SPAG17: variants seen among roughly 807,000 people sequenced by gnomAD.
The protein encoded by SPAG17 is sperm-associated antigen 17.
SPAG17 carries 169 observed loss-of-function variants against 273.6 expected under a neutral mutation model. The ratio of observed to expected loss-of-function variants is 0.62; its 90% confidence interval spans 0.55 to 0.70. The LOEUF (loss-of-function observed/expected upper bound fraction) is 0.70, where lower values mean the gene tolerates loss of function less well. Ranked by LOEUF, SPAG17 falls within the 30% of genes least tolerant of loss-of-function variation. The pLI, the probability that SPAG17 is intolerant of heterozygous loss-of-function variation, is 0.00. For missense variants in SPAG17, 2,557 were observed against 2,627.8 expected (o/e 0.97, Z 0.59); for synonymous variants, 825 against 873.2 (o/e 0.94, Z 0.97).
chr1:118,165,035 A>G (rs953771661), intron 1 of SPAG17, among the ~76,000 whole-genome samples: 2 of 152,092 alleles, frequency 1.3e-5, no homozygotes, highest in Admixed American at 6.5e-5. Context: ...ACCTGTGACT[A>G]TTTCCCTAAG....
intron 3 of SPAG17, among the ~76,000 whole-genome samples, chr1:118,136,230 T>C (rs1355423908): frequency 2.6e-5 from 4 of 152,148 alleles, no homozygotes; most frequent in South Asian, 2.1e-4. Context: ...CCAGAAAATA[T>C]TGATTCAAAA....
chr1:117,984,040 A>G, intron 41 of SPAG17, 127 bp from the exon 42 acceptor site: 1 of 533,192 alleles, frequency 1.9e-6, no homozygotes, highest in Non-Finnish European at 3.4e-6. Flanking sequence ...TTTACAAACT[A>G]AAATTCTACA....
chr1:117,972,361 G>A lies in SPAG17; in HGVS notation c.6142-314C>T, dbSNP rs72631708. Reference sequence around the variant, plus strand: ...TCATCTGTGCCAGTGGTCATCAAACGTTAGCTTCCATCAGAATCTCCTGGA... The same window carrying A: ...TCATCTGTGCCAGTGGTCATCAAACATTAGCTTCCATCAGAATCTCCTGGA... On this transcript the variant is annotated intron_variant, in intron 44 of 48. Coordinates refer to ENST00000336338, the MANE Select transcript of SPAG17 (RefSeq NM_206996.4). Among the ~76,000 whole-genome samples the A allele has an allele frequency of 0.023, 3,570 of 152,344 alleles. 249 individuals carry two copies. The East Asian group carries it at 0.27, about 11-fold the overall frequency.
intron 3 of SPAG17, among the ~76,000 whole-genome samples, chr1:118,145,874 ATTTTTGT>A (rs1003312156): frequency 8.5e-5 from 13 of 152,124 alleles, no homozygotes; most frequent in African/African-American, 3.1e-4. Flanking sequence ...TTTATAGACA[ATTTTTGT>A]TTCAGTAAGC....
At chr1:118,059,462 T>G (rs1017157945) in intron 18 of SPAG17, among the ~76,000 whole-genome samples, 1 of 152,134 alleles carries the variant, frequency 6.6e-6, no homozygotes, top group Admixed American at 6.5e-5. Context: ...TTGAATTGAT[T>G]AACATACATA....
chr1:118,089,880 T>C (rs1655256915), intron 10 of SPAG17, among the ~76,000 whole-genome samples: 1 of 152,144 alleles, frequency 6.6e-6, no homozygotes, highest in Admixed American at 6.5e-5. Context: ...GTTTCCCCCA[T>C]GCTGTTCTTA....
intron 23 of SPAG17, among the ~76,000 whole-genome samples, chr1:118,038,139 T>G (rs1280744934): frequency 6.6e-6 from 1 of 152,134 alleles, no homozygotes; most frequent in Non-Finnish European, 1.5e-5. Flanking sequence ...AACAGACACT[T>G]CACCAAGGAA....
intron 38 of SPAG17, among the ~76,000 whole-genome samples, chr1:117,990,206 T>TA (rs1257141350): frequency 6.6e-6 from 1 of 151,954 alleles, no homozygotes; most frequent in Non-Finnish European, 1.5e-5. Context: ...ACAACAACAA[T>TA]AAAAACAACT....
intron 47 of SPAG17, chr1:117,964,381 A>C (rs1487935459): frequency 6.5e-6 from 1 of 153,372 alleles, no homozygotes; most frequent in Non-Finnish European, 1.5e-5. Context: ...TAGAAAATTT[A>C]TTATAAATAC....
intron 43 of SPAG17, among the ~76,000 whole-genome samples, chr1:117,976,252 C>A (rs1655122735): frequency 6.6e-6 from 1 of 152,186 alleles, no homozygotes. Flanking sequence ...TGGCTGATTA[C>A]CAGCTGACAC....
At chr1:118,063,643 C>A (rs1329886251) in intron 18 of SPAG17, among the ~76,000 whole-genome samples, 1 of 152,122 alleles carries the variant, frequency 6.6e-6, no homozygotes, top group Non-Finnish European at 1.5e-5. Context: ...TAGAAGAAAA[C>A]CTAGGCAATA....
chr1:118,053,204 G>A (rs1249847352), intron 20 of SPAG17, among the ~76,000 whole-genome samples: 1 of 151,944 alleles, frequency 6.6e-6, no homozygotes, highest in Non-Finnish European at 1.5e-5. Context: ...AATAAAGTTT[G>A]GCAGCAATTA....
rs776879825 is a variant in SPAG17 at position 118,086,955 on chromosome 1, G to A, written c.1413C>T (p.Pro471=). ...LVPPSLREPS[P]RADGLDHRIA... ...TTCTGTGGTCTAGCCCGTCTGCTCT[G>A]GGGGATGGCTCCCGCAGACTGGGTG... The change falls in exon 11 of 49, where the codon CCC becomes CCT. Residue 471 remains proline (P), a synonymous_variant. Transcript: ENST00000336338. The A allele has an allele frequency of 6.3e-7, 1 of 1,593,764 alleles. No individual in the cohort carries two copies. The highest frequency in any genetic ancestry group is 1.9e-5 in the Admixed American group (1 of 53,616).
rs1363429239 is a variant in SPAG17 at position 117,954,058 on chromosome 1, A to G, written c.*1-9T>C. The G allele has an allele frequency of 9.3e-6, 15 of 1,612,614 alleles. No homozygotes were observed. The highest frequency in any genetic ancestry group is 1.2e-5 in the Non-Finnish European group (14 of 1,178,992). ...GTTGTACCGAGAAGAAACTGCAAAA[A>G]TGAAGGAACACAAAGCCATTTGTAA... is the stretch of plus-strand genomic sequence containing the variant. On this transcript the variant is annotated splice_polypyrimidine_tract_variant and intron_variant, in intron 48 of 48. Transcript: ENST00000336338.
At chr1:118,034,883 A>C (rs1266582599) in intron 24 of SPAG17, among the ~76,000 whole-genome samples, 1 of 152,214 alleles carries the variant, frequency 6.6e-6, no homozygotes, top group Non-Finnish European at 1.5e-5. Flanking sequence ...GTAAGAAGCA[A>C]GAATGACCTA....
intron 32 of SPAG17, among the ~76,000 whole-genome samples, chr1:118,003,719 CT>C (rs1490603597): frequency 6.6e-6 from 1 of 152,126 alleles, no homozygotes; most frequent in African/African-American, 2.4e-5. Context: ...TTCGTCTAAG[CT>C]TTTTTCAAGG....
intron 4 of SPAG17, among the ~76,000 whole-genome samples, chr1:118,110,806 T>C (rs1558020586): frequency 6.6e-6 from 1 of 152,156 alleles, no homozygotes; most frequent in South Asian, 2.1e-4. Context: ...ACTCTACTGA[T>C]TGTGAGCCAA....
At chr1:118,179,223 C>T (rs759140319) in intron 1 of SPAG17, among the ~76,000 whole-genome samples, 1 of 151,780 alleles carries the variant, frequency 6.6e-6, no homozygotes, top group Non-Finnish European at 1.5e-5. Flanking sequence ...ATGGGACTCA[C>T]ATAAAAATGG....
chr1:118,030,878 T>G (rs1444603078), intron 25 of SPAG17, among the ~76,000 whole-genome samples: 1 of 152,234 alleles, frequency 6.6e-6, no homozygotes, highest in Non-Finnish European at 1.5e-5. Context: ...TCTTTGTTAT[T>G]GTAAATAGTG....
Sources: allele counts gnomAD v4.1 joint callset (sites outside exome capture counted in the v4.1 genomes callset), GRCh38; gene constraint gnomAD v4.1.1; transcripts MANE v1.5; gene names NCBI Gene and HGNC (gene_info 2026-07-23, HGNC 2026-07-21).